Variants in OR4Q3 observed in about 807,000 individuals in gnomAD.
OR4Q3 encodes the protein olfactory receptor 4Q3.
A neutral mutation model predicts 18.8 loss-of-function variants in OR4Q3; 17 were observed. The ratio of observed to expected loss-of-function variants is 0.91; its 90% CI spans 0.62 to 1.36. The LOEUF (loss-of-function observed/expected upper bound fraction) is 1.36. Ranked by LOEUF, OR4Q3 falls within the 40% of genes most tolerant of loss-of-function variation. The pLI is 0.00. For synonymous variants in OR4Q3, 158 were observed against 145.8 expected (o/e 1.08, Z -0.60); for missense variants, 378 against 373.4 (o/e 1.01, Z -0.10).
exon 2 of OR4Q3, chr14:19,747,662 G>A: frequency 6.2e-7 from 1 of 1,614,004 alleles, no homozygotes; most frequent in Non-Finnish European, 8.5e-7. Context: ...CTGTGTTACT[G>A]TGCCAAAGAT....
intron 1 of OR4Q3, among the ~76,000 whole-genome samples, chr14:19,745,375 A>G: frequency 2.0e-5 from 3 of 152,162 alleles, no homozygotes; most frequent in African/African-American, 4.8e-5. Flanking sequence ...CTGTTTTAGT[A>G]TAATCTTTTC....
intron 1 of OR4Q3, among the ~76,000 whole-genome samples, 154 bp from the exon 2 acceptor site, chr14:19,747,252 C>A: frequency 6.6e-6 from 1 of 152,170 alleles, no homozygotes; most frequent in Admixed American, 6.6e-5. Context: ...CAAAATTCCT[C>A]ATTCTATCAA....
chr14:19,748,005 C>A, exon 2 of OR4Q3: 1 of 1,614,060 alleles, frequency 6.2e-7, no homozygotes. Context: ...TGCATGGACA[C>A]CTATGTGGTA....
At chr14:19,747,155 C>A in intron 1 of OR4Q3, among the ~76,000 whole-genome samples, 3 of 152,188 alleles carry the variant, frequency 2.0e-5, no homozygotes, top group Non-Finnish European at 2.9e-5. Flanking sequence ...CACTTATCAC[C>A]TAATGTCCAC....
intron 1 of OR4Q3, 53 bp from the exon 2 acceptor site, chr14:19,747,353 A>G: frequency 1.0e-6 from 1 of 987,834 alleles, no homozygotes; most frequent in Non-Finnish European, 1.5e-6. Context: ...TATATAGTGT[A>G]CACATATATA....
intron 1 of OR4Q3, among the ~76,000 whole-genome samples, chr14:19,744,550 G>A (rs12885725): frequency 0.13 from 19,183 of 149,208 alleles, 571 homozygotes; most frequent in South Asian, 0.23. Context: ...AAGGTGTTTT[G>A]GTTTGTCCTC....
chr14:19,752,213 T>C, downstream of OR4Q3, among the ~76,000 whole-genome samples: 30 of 152,270 alleles, frequency 2.0e-4, 2 homozygotes, highest in Admixed American at 1.3e-3. Flanking sequence ...AAAAAGAAAC[T>C]ATCAAGAGGG....
chr14:19,748,513 A>G, exon 2 of OR4Q3: 1 of 681,844 alleles, frequency 1.5e-6, no homozygotes, highest in African/African-American at 1.8e-5. Context: ...ACTCTTGATT[A>G]CAATTTAAAA....
At chr14:19,748,546 C>A in exon 2 of OR4Q3, 2 of 576,524 alleles carry the variant, frequency 3.5e-6, no homozygotes, top group Admixed American at 3.4e-5. Flanking sequence ...CTCTAGAAAG[C>A]CACCTATGCC....
downstream of OR4Q3, among the ~76,000 whole-genome samples, chr14:19,751,879 C>A: frequency 6.6e-6 from 1 of 152,100 alleles, no homozygotes; most frequent in Non-Finnish European, 1.5e-5. Flanking sequence ...ACCTCAATTT[C>A]ATTAAGTTGT....
At chr14:19,749,716 C>CTTCT, downstream of OR4Q3, among the ~76,000 whole-genome samples, 3 of 144,888 alleles carry the variant, frequency 2.1e-5, no homozygotes, top group South Asian at 2.4e-4. Context: ...ATACAGATTG[C>CTTCT]TTCTTTCTTT....
downstream of OR4Q3, among the ~76,000 whole-genome samples, chr14:19,751,412 G>A: frequency 2.6e-5 from 4 of 152,282 alleles, no homozygotes; most frequent in African/African-American, 9.6e-5. Flanking sequence ...TTAGGGAGGA[G>A]CCCTTCCTTT....
At chr14:19,749,776 TTCTTTC>T, downstream of OR4Q3, among the ~76,000 whole-genome samples, 1 of 113,324 alleles carries the variant, frequency 8.8e-6, no homozygotes, top group East Asian at 2.9e-4. Flanking sequence ...TTTTCTCTTT[TTCTTTC>T]TCTTTCTTTC....
At chr14:19,747,922 C>A in exon 2 of OR4Q3, 3 of 1,614,036 alleles carry the variant, frequency 1.9e-6, no homozygotes, top group Non-Finnish European at 2.5e-6. Flanking sequence ...TACTAGTCAT[C>A]CAGCTGCCTT....
At chr14:19,749,717 T>C, downstream of OR4Q3, among the ~76,000 whole-genome samples, 6 of 150,398 alleles carry the variant, frequency 4.0e-5, no homozygotes, top group Middle Eastern at 3.4e-3. Context: ...TACAGATTGC[T>C]TCTTTCTTTC....
At chr14:19,750,329 G>A, downstream of OR4Q3, among the ~76,000 whole-genome samples, 3 of 152,258 alleles carry the variant, frequency 2.0e-5, no homozygotes, top group Non-Finnish European at 4.4e-5. Flanking sequence ...CTTCAGAGCT[G>A]GAAAATCCCT....
chr14:19,749,604 C>CAAAAAAAAAAAAAAAAAAAAAAAAAAAA, downstream of OR4Q3: 36 of 34,572 alleles, frequency 1.0e-3, 8 homozygotes, highest in East Asian at 2.2e-3. Flanking sequence ...GGTCTCAAAG[C>CAAAAAAAAAAAAAAAAAAAAAAAAAAAA]AAAAAAAAAA....
chr14:19,748,078 C>A, exon 2 of OR4Q3: 6 of 1,613,956 alleles, frequency 3.7e-6, no homozygotes, highest in Non-Finnish European at 5.1e-6. Flanking sequence ...TCTTACTATT[C>A]TCTTATGCTA....
downstream of OR4Q3, among the ~76,000 whole-genome samples, chr14:19,750,673 G>T: frequency 3.9e-5 from 6 of 152,164 alleles, no homozygotes; most frequent in Non-Finnish European, 8.8e-5. Flanking sequence ...TTTGTGTTGG[G>T]AGTTAATGAC....
Sources: allele counts gnomAD v4.1 joint callset (sites outside exome capture counted in the v4.1 genomes callset), GRCh38; gene constraint gnomAD v4.1.1; transcripts MANE v1.5; gene names NCBI Gene and HGNC (gene_info 2026-07-23, HGNC 2026-07-21).